EDN1: variants seen among roughly 807,000 people sequenced by gnomAD.
EDN1 encodes the protein endothelin-1.
EDN1 carries 11 observed loss-of-function variants against 21.7 expected under a neutral mutation model. That is an observed-to-expected ratio of 0.51 (90% CI 0.32 to 0.84). EDN1 has a LOEUF of 0.84. Among genes scored for constraint, EDN1 ranks in the 40% least tolerant of loss-of-function variants. The probability of loss-of-function intolerance (pLI) is 0.03; values close to 1 mark genes in which losing one functional copy is unlikely to be tolerated. For synonymous variants in EDN1, 85 were observed against 90.6 expected, an observed-to-expected ratio of 0.94 and a Z score of 0.35; for missense variants, 244 against 262.3, an observed-to-expected ratio of 0.93 and a Z score of 0.48.
At chr6:12,294,528 T>C in intron 4 of EDN1, 124 bp downstream of exon 4, 1 of 1,111,442 alleles carries the variant, frequency 9.0e-7, no homozygotes, top group Non-Finnish European at 1.4e-6. Flanking sequence ...TAGAAAACAG[T>C]AGCAGAGGAG....
chr6:12,257,862 G>T, the EDN1 span, among the ~76,000 whole-genome samples: 1 of 152,148 alleles, frequency 6.6e-6, no homozygotes, highest in African/African-American at 2.4e-5. Context: ...ATTGTATGCT[G>T]CAGATAATAG....
At chr6:12,256,218 T>TG in the EDN1 span, among the ~76,000 whole-genome samples, 1 of 152,098 alleles carries the variant, frequency 6.6e-6, no homozygotes, top group Non-Finnish European at 1.5e-5. Context: ...CCAGACATGG[T>TG]GGTGCACGTC....
chr6:12,281,215 T>G, the EDN1 span, among the ~76,000 whole-genome samples: 3 of 152,212 alleles, frequency 2.0e-5, no homozygotes, highest in Non-Finnish European at 4.4e-5. Context: ...TAAATTGGAT[T>G]TTGATATTGT....
At chr6:12,261,973 C>T in the EDN1 span, among the ~76,000 whole-genome samples, 2 of 152,104 alleles carry the variant, frequency 1.3e-5, no homozygotes, top group African/African-American at 4.8e-5. Flanking sequence ...TTGAGGGGTA[C>T]AGAGCAAAGG....
At chr6:12,292,609 C>T in intron 2 of EDN1, 100 bp downstream of exon 2, 2 of 1,361,806 alleles carry the variant, frequency 1.5e-6, no homozygotes, top group Non-Finnish European at 2.1e-6. Context: ...TGAAGGTAGT[C>T]CTTCTAACAC....
At chr6:12,266,643 G>A in the EDN1 span, among the ~76,000 whole-genome samples, 1 of 152,198 alleles carries the variant, frequency 6.6e-6, no homozygotes, top group South Asian at 2.1e-4. Flanking sequence ...TAAGGGAAGG[G>A]GGTCAGAGGA....
At chr6:12,257,362 A>C in the EDN1 span, among the ~76,000 whole-genome samples, 1 of 152,228 alleles carries the variant, frequency 6.6e-6, no homozygotes, top group African/African-American at 2.4e-5. Flanking sequence ...CCCTTTCTGC[A>C]TCTTGTGTAT....
the EDN1 span, among the ~76,000 whole-genome samples, chr6:12,233,896 C>CCA: frequency 6.6e-6 from 1 of 152,272 alleles, no homozygotes; most frequent in Non-Finnish European, 1.5e-5. Context: ...TGGAGGACAA[C>CCA]CACACAGCAC....
chr6:12,231,022 C>T, the EDN1 span, among the ~76,000 whole-genome samples: 59 of 152,262 alleles, frequency 3.9e-4, no homozygotes, highest in Non-Finnish European at 6.6e-4. Context: ...CTGCAGTTCT[C>T]TCCCTGTGAA....
chr6:12,264,620 TA>T, the EDN1 span, among the ~76,000 whole-genome samples: 2 of 151,844 alleles, frequency 1.3e-5, no homozygotes, highest in African/African-American at 4.8e-5. Context: ...GCTGAGGAGC[TA>T]AAAAAAATTG....
At chr6:12,290,122 AGGTCTCTAAT>A (rs1228358369), upstream of EDN1, among the ~76,000 whole-genome samples, 1 of 152,090 alleles carries the variant, frequency 6.6e-6, no homozygotes, top group East Asian at 1.9e-4. Flanking sequence ...GGTTTAGCAA[AGGTCTCTAAT>A]GGGTATTTTC....
At chr6:12,233,884 A>T in the EDN1 span, among the ~76,000 whole-genome samples, 1 of 152,160 alleles carries the variant, frequency 6.6e-6, no homozygotes, top group Admixed American at 6.5e-5. Flanking sequence ...TAATACAGAA[A>T]TTGGAGGACA....
At chr6:12,235,129 T>C in the EDN1 span, among the ~76,000 whole-genome samples, 1 of 152,196 alleles carries the variant, frequency 6.6e-6, no homozygotes, top group African/African-American at 2.4e-5. Flanking sequence ...TAAGTGTTCT[T>C]GGGTAAGTCA....
At position 12,290,659 on chromosome 6, in the gene EDN1, G is replaced by C; in HGVS notation, c.30G>C (p.Leu10=). Residue 10 remains leucine (L), a synonymous_variant, in exon 1 of 5, where the codon CTG becomes CTC. Transcript: ENST00000379375. ...ATTATTTGCTCATGATTTTCTCTCT[G>C]CTGTTTGTGGCTTGCCAAGGAGCTC... MDYLLMIFS[L]LFVACQGAPE... is the part of the protein sequence containing the mutation. The C allele has an allele frequency of 6.2e-7, 1 of 1,614,150 alleles. No individual in the cohort carries two copies. The highest frequency in any genetic ancestry group is 8.5e-7 in the Non-Finnish European group (1 of 1,180,018).
upstream of EDN1, among the ~76,000 whole-genome samples, chr6:12,287,755 GGCGCGC>G (rs1279596516): frequency 4.4e-4 from 12 of 27,502 alleles, no homozygotes; most frequent in Non-Finnish European, 9.1e-4. Context: ...CACACACACA[GGCGCGC>G]GCGCGCGCGC....
At chr6:12,233,643 A>T in the EDN1 span, among the ~76,000 whole-genome samples, 1 of 152,168 alleles carries the variant, frequency 6.6e-6, no homozygotes, top group East Asian at 1.9e-4. Context: ...GATGTGTGTG[A>T]TGCCAACTCA....
At chr6:12,258,133 A>G in the EDN1 span, among the ~76,000 whole-genome samples, 1 of 152,032 alleles carries the variant, frequency 6.6e-6, no homozygotes, top group Non-Finnish European at 1.5e-5. Context: ...GCGGAGGTGC[A>G]GAGGGAAAAT....
At chr6:12,258,210 G>A in the EDN1 span, among the ~76,000 whole-genome samples, 5 of 151,574 alleles carry the variant, frequency 3.3e-5, no homozygotes, top group Non-Finnish European at 5.9e-5. Context: ...TCCCAGCACC[G>A]AGAGGCCAAA....
At chr6:12,282,274 A>G in the EDN1 span, among the ~76,000 whole-genome samples, 1 of 152,240 alleles carries the variant, frequency 6.6e-6, no homozygotes, top group African/African-American at 2.4e-5. Flanking sequence ...CTTCCAGATA[A>G]TGTACAAAAA....
Sources: gnomAD v4.1 joint callset for allele counts (sites outside exome capture counted in the v4.1 genomes callset) on GRCh38, gnomAD v4.1.1 for gene constraint, MANE v1.5 for transcripts, NCBI Gene and HGNC (gene_info 2026-07-23, HGNC 2026-07-21) for gene names.